The following LCK variants were observed in gnomAD, a reference collection of about 807,000 sequenced individuals.
LCK encodes the protein LCK proto-oncogene, Src family tyrosine kinase.
A neutral mutation model predicts 64.6 loss-of-function variants in LCK; 14 were observed. That is an observed-to-expected ratio of 0.22 (90% CI 0.14 to 0.34). The LOEUF is 0.34. LCK is among the 10% of genes least tolerant of loss of function. The probability of loss-of-function intolerance (pLI) is 1.00; values close to 1 mark genes in which losing one functional copy is unlikely to be tolerated. For synonymous variants in LCK, 277 were observed against 263.6 expected, an observed-to-expected ratio of 1.05 and a Z score of -0.49; for missense variants, 434 against 668.1, an observed-to-expected ratio of 0.65 and a Z score of 3.86.
At chr1:32,257,449 G>T (rs1031949381) in intron 1 of LCK, among the ~76,000 whole-genome samples, 1 of 151,724 alleles carries the variant, frequency 6.6e-6, no homozygotes, top group Admixed American at 6.6e-5. Flanking sequence ...ACGGGGTTTT[G>T]CCATGTTGCC....
chr1:32,279,966 T>C lies in LCK; in HGVS notation c.1167T>C (p.Ile389=). Residue 389 remains isoleucine (I), a synonymous_variant, in exon 11 of 13, where the codon ATT becomes ATC. Transcript: ENST00000336890. The stretch of plus-strand genomic sequence containing the variant: ...CAGACTTTGGCCTAGCACGCCTCAT[T>C]GAGGACAACGAGTACACAGCCAGGG... ...KIADFGLARL[I]EDNEYTAREG... is the part of the protein sequence containing the mutation. The C allele has an allele frequency of 6.2e-7, 1 of 1,614,132 alleles. No homozygotes were observed. The highest frequency in any genetic ancestry group is 1.6e-4 in the Middle Eastern group (1 of 6,062).
At chr1:32,277,021 C>G (rs1314312932) in intron 9 of LCK, 1 of 322,308 alleles carries the variant, frequency 3.1e-6, no homozygotes, top group Non-Finnish European at 5.7e-6. Context: ...ACCAGCCTGA[C>G]CAATATGGTG....
In LCK at chr1:32,262,893, G is replaced by T. The variant is rs185054359; in HGVS notation, c.-5-11432G>T. Reference sequence around the variant, plus strand: ...GAAAAAAAAAAAAAAAAAAACAGATGAAAGGAATCCCCAGGGCTCCCAGAA... The same window carrying T: ...GAAAAAAAAAAAAAAAAAAACAGATTAAAGGAATCCCCAGGGCTCCCAGAA... On this transcript the variant is annotated intron_variant, in intron 1 of 12. Transcript: ENST00000336890. Among the ~76,000 whole-genome samples the T allele has an allele frequency of 6.8e-3, 992 of 146,580 alleles. 17 individuals are homozygous for T. Among genetic ancestry groups the T allele is most frequent in the African/African-American group, 0.024 (938 of 39,770 alleles).
At chr1:32,278,152 C>G (rs1640338821) in intron 9 of LCK, among the ~76,000 whole-genome samples, 1 of 152,134 alleles carries the variant, frequency 6.6e-6, no homozygotes, top group African/African-American at 2.4e-5. Context: ...GCACTCCAAC[C>G]TGGGTAACAG....
At position 32,275,527 on chromosome 1, in the gene LCK, C is replaced by G; in HGVS notation, c.378-42C>G. On this transcript the variant is annotated intron_variant, in intron 5 of 12. Transcript: ENST00000336890. This position sits in a 1 kb window ranked among gnomAD's most constrained non-coding sequence, Gnocchi z 6.9. ...GGCTTGAGGGCCACGGAGGAAGATC[C>G]GACGACAGCCGACGGCCTTCGTTCG... is the stretch of plus-strand genomic sequence containing the variant. 6.5e-7 allele frequency: 1 copy of G among 1,545,632 alleles called. No homozygotes were observed. The highest frequency in any genetic ancestry group is 8.8e-7 in the Non-Finnish European group (1 of 1,137,104).
intron 1 of LCK, among the ~76,000 whole-genome samples, chr1:32,263,157 G>A (rs951394954): frequency 4.0e-5 from 6 of 151,670 alleles, no homozygotes; most frequent in East Asian, 3.9e-4. Flanking sequence ...TTTGGGAAGC[G>A]GAGGTGGGCA....
chr1:32,262,858 GAGGA>G (rs546296852), intron 1 of LCK, among the ~76,000 whole-genome samples: 1 of 141,720 alleles, frequency 7.1e-6, no homozygotes, highest in Non-Finnish European at 1.5e-5. Context: ...GAAAGAAGTG[GAGGA>G]AGGGAGAAAA....
chr1:32,272,811 T>C, intron 1 of LCK, among the ~76,000 whole-genome samples: 1 of 141,026 alleles, frequency 7.1e-6, no homozygotes, highest in African/African-American at 2.7e-5. Context: ...TGTGTGTGTG[T>C]GAGTGTGGGT....
intron 1 of LCK, among the ~76,000 whole-genome samples, chr1:32,260,416 G>A (rs147026702): frequency 2.0e-5 from 3 of 152,276 alleles, no homozygotes; most frequent in Admixed American, 6.5e-5. Context: ...GATTACAGGC[G>A]TGAGCCTCCA....
At position 32,275,365 on chromosome 1, in the gene LCK, A is replaced by G; in HGVS notation, c.323A>G (p.Glu108Gly). ...GCGCAGTCCCTGACCACGGGCCAGG[A>G]AGGCTTCATCCCCTTCAATTTTGTG... ...WKAQSLTTGQEGFIPFNFVAK... is the reference protein window; with the variant it reads ...WKAQSLTTGQGGFIPFNFVAK... The change falls in exon 5 of 13, where the codon GAA becomes GGA. Residue 108 changes from glutamate (E) to glycine (G), a missense_variant. Glu to Gly is a moderately conservative substitution (Grantham distance 98, BLOSUM62 -2). Coordinates refer to ENST00000336890, the MANE Select transcript of LCK (RefSeq NM_005356.5). The surrounding 1 kb of genome is among the most constrained non-coding windows in gnomAD (Gnocchi z 6.9). The G allele has an allele frequency of 1.2e-6, 2 of 1,614,152 alleles. No individual in the cohort carries two copies. Among genetic ancestry groups the G allele is most frequent in the South Asian group, 1.1e-5 (1 of 91,084 alleles).
chr1:32,262,191 G>A (rs1352752632), intron 1 of LCK, among the ~76,000 whole-genome samples: 3 of 142,886 alleles, frequency 2.1e-5, no homozygotes, highest in African/African-American at 5.1e-5. Flanking sequence ...GTAGCCGGAC[G>A]CCGGCCACTA....
chr1:32,279,037 G>A (rs1485723551), intron 9 of LCK, among the ~76,000 whole-genome samples: 3 of 152,010 alleles, frequency 2.0e-5, no homozygotes, highest in African/African-American at 4.8e-5. Flanking sequence ...TCTTACTCTC[G>A]GCTGGGCACC....
intron 1 of LCK, among the ~76,000 whole-genome samples, chr1:32,253,528 C>T (rs190537945): frequency 1.3e-5 from 2 of 152,274 alleles, no homozygotes; most frequent in Admixed American, 6.5e-5. Context: ...GTGATCCGCC[C>T]ACCTCGGCCC....
At position 32,275,454 on chromosome 1, in the gene LCK, C is replaced by G; in HGVS notation, c.377+35C>G. On this transcript the variant is annotated intron_variant, in intron 5 of 12. Coordinates refer to ENST00000336890, the MANE Select transcript of LCK (RefSeq NM_005356.5). The surrounding 1 kb of genome is among the most constrained non-coding windows in gnomAD (Gnocchi z 6.9). The stretch of plus-strand genomic sequence containing the variant: ...GACCCGTCGTGGGGGTGGGTAGGAG[C>G]AGATCTAGGGATCCTGGAGCAGGGA... 6.2e-7 allele frequency: 1 copy of G among 1,603,776 alleles called. No homozygotes were observed. The highest frequency in any genetic ancestry group is 1.1e-5 in the South Asian group (1 of 90,580).
rs974945885 is a variant in LCK at position 32,275,831 on chromosome 1, G to A, written c.482-83G>A. 5.8e-6 allele frequency: 9 copies of A among 1,541,082 alleles called. No individual in the cohort carries two copies. The highest frequency in any genetic ancestry group is 5.4e-5 in the African/African-American group (4 of 73,640). ...GGGATGACCCGGAGTTGGGGGTGCTGGGTGAGCCCAAGGTGGGGGCGCGGT... is the reference window on the plus strand; with the variant it reads ...GGGATGACCCGGAGTTGGGGGTGCTAGGTGAGCCCAAGGTGGGGGCGCGGT... On this transcript the variant is annotated intron_variant, in intron 6 of 12. Coordinates refer to ENST00000336890, the MANE Select transcript of LCK (RefSeq NM_005356.5). This position sits in a 1 kb window ranked among gnomAD's most constrained non-coding sequence, Gnocchi z 6.9.
At chr1:32,282,151 G>A (rs777946703) in intron 12 of LCK, among the ~76,000 whole-genome samples, 2 of 152,204 alleles carry the variant, frequency 1.3e-5, no homozygotes, top group African/African-American at 4.8e-5. Flanking sequence ...CCAAACCAGC[G>A]TCCAGGGGTA....
chr1:32,267,982 G>A (rs934356039), intron 1 of LCK, among the ~76,000 whole-genome samples: 4 of 152,012 alleles, frequency 2.6e-5, no homozygotes, highest in Admixed American at 2.6e-4. Context: ...ATCACAAGGT[G>A]AGGAGATTGA....
rs1640263089 is a variant in LCK at position 32,276,180 on chromosome 1, G to A, written c.631+117G>A. ...CTCCATTCCCCGCAGTGGGTGAGGT[G>A]TGGAACCTGACCCTACGGCCCCAAG... On this transcript the variant is annotated intron_variant, in intron 7 of 12. Coordinates refer to ENST00000336890, the MANE Select transcript of LCK (RefSeq NM_005356.5). This position sits in a 1 kb window ranked among gnomAD's most constrained non-coding sequence, Gnocchi z 4.6. 6.9e-7 allele frequency: 1 copy of A among 1,458,442 alleles called. No individual in the cohort carries two copies. Among genetic ancestry groups the A allele is most frequent in the African/African-American group, 1.4e-5 (1 of 71,966 alleles). The allele number at this position is 1,458,442 out of a possible 1,614,324, so 90.3% of individuals were successfully genotyped here.
chr1:32,285,893 T>A lies in LCK; in HGVS notation c.*177T>A. Reference sequence around the variant, plus strand: ...ACACGTGTCCTGTAGTTGCGTGGACTCTGCACATGTCTTGTACATGTGTAG... The same window carrying A: ...ACACGTGTCCTGTAGTTGCGTGGACACTGCACATGTCTTGTACATGTGTAG... On this transcript the variant is annotated 3_prime_UTR_variant, in exon 13 of 13. Coordinates refer to ENST00000336890, the MANE Select transcript of LCK (RefSeq NM_005356.5). 2 of 645,220 alleles carry A rather than the reference T, an allele frequency of 3.1e-6. No individual in the cohort carries two copies. The highest frequency in any genetic ancestry group is 5.4e-6 in the Non-Finnish European group (2 of 369,130). 40.0% of individuals were successfully genotyped at this position (645,220 alleles called of 1,614,324 possible). A position where few individuals can be genotyped will look rare whatever the true frequency, so the allele number is the denominator to read the frequency against.
Sources: gnomAD v4.1 joint callset for allele counts (sites outside exome capture counted in the v4.1 genomes callset) on GRCh38, gnomAD v4.1.1 for gene constraint, Gnocchi (gnomAD v3.1) non-coding constraint, MANE v1.5 for transcripts, NCBI Gene and HGNC (gene_info 2026-07-23, HGNC 2026-07-21) for gene names.